ELF5: variants seen among roughly 807,000 people sequenced by gnomAD.
ELF5 encodes E74 like ETS transcription factor 5, also known as ETS-related transcription factor Elf-5.
ELF5 carries 31 observed loss-of-function variants against 38.2 expected under a neutral mutation model. The ratio of observed to expected loss-of-function variants is 0.81; its 90% CI spans 0.61 to 1.10. The LOEUF (loss-of-function observed/expected upper bound fraction) is 1.10, where lower values mean the gene tolerates loss of function less well. ELF5 is among the 50% of genes least tolerant of loss of function. The pLI is 0.00. For missense variants in ELF5, 300 were observed against 306.6 expected, an observed-to-expected ratio of 0.98 and a Z score of 0.16; for synonymous variants, 121 against 112.5, an observed-to-expected ratio of 1.08 and a Z score of -0.48.
chr11:34,511,832 C>T (rs893431805), intron 1 of ELF5: 61 of 519,874 alleles, frequency 1.2e-4, no homozygotes, highest in Admixed American at 9.9e-5. Context: ...AAAATTCCTT[C>T]CTGACTCTGG....
chr11:34,504,407 G>T (rs1850552275), intron 2 of ELF5, among the ~76,000 whole-genome samples: 2 of 152,126 alleles, frequency 1.3e-5, no homozygotes, highest in Admixed American at 6.5e-5. Flanking sequence ...GTGCGTGTGT[G>T]TGTGTGCACG....
intron 1 of ELF5, among the ~76,000 whole-genome samples, chr11:34,506,738 T>G (rs931955060): frequency 3.9e-5 from 6 of 152,120 alleles, no homozygotes; most frequent in Non-Finnish European, 7.3e-5. Flanking sequence ...GGTCTCGAAC[T>G]CCTGACCTCA....
intron 1 of ELF5, among the ~76,000 whole-genome samples, chr11:34,509,433 C>G (rs1850697027): frequency 6.6e-6 from 1 of 152,214 alleles, no homozygotes; most frequent in Non-Finnish European, 1.5e-5. Context: ...TCTGGGCCAT[C>G]ACCCAAGAGT....
At chr11:34,513,594 G>A (rs1850818795) in intron 1 of ELF5, 83 bp downstream of exon 1, 1 of 152,442 alleles carries the variant, frequency 6.6e-6, no homozygotes, top group Admixed American at 6.5e-5. Flanking sequence ...GGAGATGGAC[G>A]AGCAGACCCA....
At chr11:34,489,901 A>T in intron 4 of ELF5, 108 bp downstream of exon 4, 1 of 1,322,960 alleles carries the variant, frequency 7.6e-7, no homozygotes, top group Non-Finnish European at 1.1e-6. Context: ...CAGGTCTGGG[A>T]TTGTTTTGGT....
intron 1 of ELF5, 46 bp from the exon 2 acceptor site, chr11:34,505,799 C>A: frequency 6.3e-7 from 1 of 1,598,242 alleles, no homozygotes; most frequent in Non-Finnish European, 8.5e-7. Context: ...TGAGGTACTC[C>A]TGAAGCCACA....
intron 1 of ELF5, among the ~76,000 whole-genome samples, chr11:34,510,200 T>C (rs1850718278): frequency 6.6e-6 from 1 of 152,246 alleles, no homozygotes. Flanking sequence ...AGGCAAATTA[T>C]ATCCATTAAG....
chr11:34,489,139 C>T (rs1348114448), intron 4 of ELF5, among the ~76,000 whole-genome samples: 2 of 152,246 alleles, frequency 1.3e-5, no homozygotes, highest in Non-Finnish European at 2.9e-5. Flanking sequence ...CTGGCCATTC[C>T]TGTGCTAAAG....
In ELF5 at chr11:34,478,791, T is replaced by C. The variant is rs539665408; in HGVS notation, c.*1427A>G. 6.5e-6 allele frequency: 1 copy of C among 152,828 alleles called. No homozygotes were observed. The highest frequency in any genetic ancestry group is 2.1e-4 in the South Asian group (1 of 4,832). The allele number at this position is 152,828 out of a possible 1,614,324, so 9.5% of individuals were successfully genotyped here. On this transcript the variant is annotated 3_prime_UTR_variant, in exon 7 of 7. Transcript: ENST00000257832. Reference sequence around the variant, plus strand: ...GCTGAATTGAATGATACACAGACAGTTGAACATGTTAAATACTTTATTCAC... The same window carrying C: ...GCTGAATTGAATGATACACAGACAGCTGAACATGTTAAATACTTTATTCAC...
rs748180689 is a variant in ELF5 at position 34,493,535 on chromosome 11, G to C, written c.299C>G (p.Ala100Gly). Residue 100 changes from alanine to glycine, a missense_variant, in exon 3 of 7, where the codon GCA becomes GGA. Ala to Gly is a moderately conservative substitution (Grantham distance 60). Coordinates refer to ENST00000257832, the MANE Select transcript of ELF5 (RefSeq NM_001422.4). ...CSMTQEEFVE[A>G]AGLCGEYLYF... ...CAGGTACTCGCCGCAGAGGCCAGCT[G>C]CCTCGACGAACTCCTCCTGTGTCAT... 6.2e-7 allele frequency: 1 copy of C among 1,614,216 alleles called. No individual in the cohort carries two copies. The highest frequency in any genetic ancestry group is 1.1e-5 in the South Asian group (1 of 91,078).
rs1856929338 is a variant in ELF5 at position 34,480,968 on chromosome 11, C to T, written c.476-1G>A. 6.3e-7 allele frequency: 1 copy of T among 1,592,002 alleles called. No homozygotes were observed. Among genetic ancestry groups the T allele is most frequent in the Non-Finnish European group, 8.5e-7 (1 of 1,172,272 alleles). On this transcript the variant is annotated splice_acceptor_variant, in intron 5 of 6. Coordinates refer to ENST00000257832, the MANE Select transcript of ELF5 (RefSeq NM_001422.4). LOFTEE classifies it high-confidence loss of function. ...TCCCATAGATGAGAACTTTGGAGGC[C>T]TTTTGAAAAGGGGAAAACATTAACT...
At chr11:34,512,392 C>T (rs1850782285) in intron 1 of ELF5, among the ~76,000 whole-genome samples, 1 of 152,140 alleles carries the variant, frequency 6.6e-6, no homozygotes, top group Admixed American at 6.5e-5. Context: ...TTGCTGTAGG[C>T]TTCGATGCAA....
Position 34,493,603 on chromosome 11 carries a change from G to A in ELF5, c.231C>T (p.Ile77=). The A allele has an allele frequency of 6.2e-7, 1 of 1,614,214 alleles. No homozygotes were observed. Among genetic ancestry groups the A allele is most frequent in the South Asian group, 1.1e-5 (1 of 91,080 alleles). ...CDQYKLDTNC[I]SFCNFNISGL... ...CACTGATGTTGAAGTTGCAGAAGGA[G>A]ATGCAATTGGTGTCCAACTTGTACT... The change falls in exon 3 of 7, where the codon ATC becomes ATT. Residue 77 remains isoleucine (I), a synonymous_variant. Transcript: ENST00000257832.
chr11:34,480,671 T>TTATC, intron 6 of ELF5, 101 bp downstream of exon 6: 1 of 1,347,186 alleles, frequency 7.4e-7, no homozygotes, highest in Non-Finnish European at 1.0e-6. Context: ...GACCTTTCCA[T>TTATC]TATCAAGTAA....
chr11:34,510,138 C>G (rs981891967), intron 1 of ELF5, among the ~76,000 whole-genome samples: 1 of 152,282 alleles, frequency 6.6e-6, no homozygotes, highest in Non-Finnish European at 1.5e-5. Flanking sequence ...TCTGTAATCT[C>G]TCTAGTGCTA....
intron 1 of ELF5, among the ~76,000 whole-genome samples, chr11:34,512,368 G>T (rs1471847984): frequency 6.6e-6 from 1 of 152,142 alleles, no homozygotes; most frequent in Non-Finnish European, 1.5e-5. Flanking sequence ...ATCCAAAAAG[G>T]TATGCCATGT....
chr11:34,496,494 T>C (rs72924928), intron 2 of ELF5, among the ~76,000 whole-genome samples: 20,988 of 152,166 alleles, frequency 0.14, 1,620 homozygotes, highest in East Asian at 0.26. Context: ...CTCCTGCTCT[T>C]CTCTTTCAGG....
intron 2 of ELF5, among the ~76,000 whole-genome samples, chr11:34,495,218 A>C (rs1850287610): frequency 6.6e-6 from 1 of 152,186 alleles, no homozygotes; most frequent in Non-Finnish European, 1.5e-5. Flanking sequence ...AGAACACAAC[A>C]CGAGGGCCTG....
chr11:34,507,860 T>G (rs1333165715), intron 1 of ELF5, among the ~76,000 whole-genome samples: 1 of 152,236 alleles, frequency 6.6e-6, no homozygotes, highest in African/African-American at 2.4e-5. Flanking sequence ...ATTTTAAGAT[T>G]GGCAGGAGTG....
Sources: allele counts gnomAD v4.1 joint callset (sites outside exome capture counted in the v4.1 genomes callset), GRCh38; gene constraint gnomAD v4.1.1; transcripts MANE v1.5; gene names NCBI Gene and HGNC (gene_info 2026-07-23, HGNC 2026-07-21).